LGSN: variants seen among roughly 807,000 people sequenced by gnomAD.
The protein encoded by LGSN is lengsin.
LGSN carries 21 observed loss-of-function variants against 19.5 expected under a neutral mutation model. That is an observed-to-expected ratio of 1.07 (90% CI 0.76 to 1.55). The LOEUF (loss-of-function observed/expected upper bound fraction) is 1.55. Among genes scored for constraint, LGSN ranks in the 40% most tolerant of loss-of-function variants. The pLI, the probability that LGSN is intolerant of heterozygous loss-of-function variation, is 0.00. For synonymous variants in LGSN, 257 were observed against 215.6 expected, an observed-to-expected ratio of 1.19 and a Z score of -1.68; for missense variants, 673 against 608.5, an observed-to-expected ratio of 1.11 and a Z score of -1.12.
intron 3 of LGSN, among the ~76,000 whole-genome samples, chr6:63,284,458 C>T (rs894406440): frequency 2.0e-5 from 3 of 152,122 alleles, no homozygotes; most frequent in Non-Finnish European, 2.9e-5. Context: ...AAGCAGCATA[C>T]TGTTTTATTT....
the LGSN span, among the ~76,000 whole-genome samples, chr6:63,410,515 T>C: frequency 6.6e-6 from 1 of 152,300 alleles, no homozygotes; most frequent in Non-Finnish European, 1.5e-5. Flanking sequence ...TATATAAATA[T>C]ATATCAATGG....
chr6:63,537,135 T>C, the LGSN span, among the ~76,000 whole-genome samples: 1 of 152,236 alleles, frequency 6.6e-6, no homozygotes, highest in African/African-American at 2.4e-5. Flanking sequence ...AGTGAATGAA[T>C]TAGAATAATG....
the LGSN span, among the ~76,000 whole-genome samples, chr6:63,390,201 C>G: frequency 1.4e-3 from 175 of 124,014 alleles, no homozygotes; most frequent in African/African-American, 5.1e-3. Context: ...GCAATCTTGT[C>G]TCACTGCAAC....
the LGSN span, among the ~76,000 whole-genome samples, chr6:63,420,165 T>C: frequency 6.7e-6 from 1 of 150,102 alleles, no homozygotes; most frequent in Admixed American, 6.7e-5. Flanking sequence ...ATCGCACCAC[T>C]GCACTCCAGC....
At chr6:63,360,177 T>G in the LGSN span, among the ~76,000 whole-genome samples, 2 of 152,202 alleles carry the variant, frequency 1.3e-5, no homozygotes, top group Non-Finnish European at 2.9e-5. Context: ...CTTTGTGGCA[T>G]TCTCTGCATT....
At chr6:63,317,131 T>C (rs1356384789) in intron 1 of LGSN, among the ~76,000 whole-genome samples, 1 of 152,176 alleles carries the variant, frequency 6.6e-6, no homozygotes, top group Non-Finnish European at 1.5e-5. Context: ...TAAAACTCTT[T>C]AAGGCTGTAA....
the LGSN span, among the ~76,000 whole-genome samples, chr6:63,353,980 C>A: frequency 2.2e-4 from 33 of 152,166 alleles, no homozygotes; most frequent in African/African-American, 7.5e-4. Context: ...TCTCTCACTA[C>A]ATATAAAAAT....
chr6:63,438,943 T>C, the LGSN span, among the ~76,000 whole-genome samples: 3 of 152,196 alleles, frequency 2.0e-5, no homozygotes, highest in Non-Finnish European at 2.9e-5. Flanking sequence ...AGCAAAGACT[T>C]GGGACCAACA....
chr6:63,562,052 A>T, the LGSN span, among the ~76,000 whole-genome samples: 5 of 152,220 alleles, frequency 3.3e-5, no homozygotes, highest in African/African-American at 1.2e-4. Context: ...GTTTATCATC[A>T]CATCACCCAG....
At chr6:63,482,785 C>T in the LGSN span, among the ~76,000 whole-genome samples, 1 of 152,180 alleles carries the variant, frequency 6.6e-6, no homozygotes, top group South Asian at 2.1e-4. Context: ...GCTGCAACCT[C>T]CACCTTCCAG....
the LGSN span, among the ~76,000 whole-genome samples, chr6:63,352,682 G>GAC: frequency 0.021 from 3,011 of 145,014 alleles, 86 homozygotes; most frequent in African/African-American, 0.066. Context: ...CACACACACA[G>GAC]ACACACACAC....
chr6:63,569,358 G>C, the LGSN span, among the ~76,000 whole-genome samples: 1 of 152,194 alleles, frequency 6.6e-6, no homozygotes, highest in Non-Finnish European at 1.5e-5. Context: ...CAGCTTTCCA[G>C]TGATTCTCCT....
chr6:63,566,037 A>ACATGCATTTTTGG, the LGSN span, among the ~76,000 whole-genome samples: 1 of 152,238 alleles, frequency 6.6e-6, no homozygotes, highest in Non-Finnish European at 1.5e-5. Context: ...TTGGTTTCCC[A>ACATGCATTTTTGG]TTTACACTAC....
chr6:63,323,652 G>A (rs1344253224), upstream of LGSN, among the ~76,000 whole-genome samples: 2 of 149,196 alleles, frequency 1.3e-5, no homozygotes, highest in Non-Finnish European at 3.0e-5. Context: ...TAATAATAAT[G>A]GGCATTGTAC....
the LGSN span, among the ~76,000 whole-genome samples, chr6:63,359,213 T>A: frequency 1.3e-5 from 2 of 152,336 alleles, no homozygotes; most frequent in African/African-American, 4.8e-5. Flanking sequence ...AGCTTTTTGA[T>A]GTGCTGCTGG....
At chr6:63,496,369 C>T in the LGSN span, among the ~76,000 whole-genome samples, 1 of 152,128 alleles carries the variant, frequency 6.6e-6, no homozygotes, top group Admixed American at 6.6e-5. Flanking sequence ...GCCACTAGGA[C>T]AATGACACAC....
the LGSN span, among the ~76,000 whole-genome samples, chr6:63,551,497 C>T: frequency 2.6e-5 from 4 of 152,086 alleles, no homozygotes; most frequent in East Asian, 3.8e-4. Context: ...TTCCTATGTA[C>T]AAATATTTTG....
At chr6:63,437,124 G>A in the LGSN span, among the ~76,000 whole-genome samples, 1 of 41,028 alleles carries the variant, frequency 2.4e-5, no homozygotes, top group Admixed American at 2.5e-4. Context: ...AAAGGGAGAA[G>A]GAAAAGAAAG....
chr6:63,344,515 C>G, the LGSN span, among the ~76,000 whole-genome samples: 4 of 152,032 alleles, frequency 2.6e-5, no homozygotes, highest in African/African-American at 9.7e-5. Flanking sequence ...ACAACAGATC[C>G]TACTTATAGA....
Sources: gnomAD v4.1 joint callset for allele counts (sites outside exome capture counted in the v4.1 genomes callset) on GRCh38, gnomAD v4.1.1 for gene constraint, MANE v1.5 for transcripts, NCBI Gene and HGNC (gene_info 2026-07-23, HGNC 2026-07-21) for gene names.